The following PVT1 variants were observed in gnomAD, a reference collection of about 807,000 sequenced individuals.
PVT1 encodes the protein Pvt1 oncogene.
intron 3 of PVT1, among the ~76,000 whole-genome samples, chr8:127,927,942 C>T (rs1359830303): frequency 6.6e-6 from 1 of 152,226 alleles, no homozygotes; most frequent in Admixed American, 6.5e-5. Context: ...CAAAAATTCT[C>T]AGTGCGGTTG....
chr8:128,027,083 C>A (rs531385446), intron 4 of PVT1, among the ~76,000 whole-genome samples: 64 of 146,976 alleles, frequency 4.4e-4, no homozygotes, highest in Non-Finnish European at 6.7e-4. Context: ...GTGGATCTCC[C>A]TCTGTTCTTA....
At chr8:128,018,739 G>A (rs1267835221) in intron 4 of PVT1, among the ~76,000 whole-genome samples, 1 of 150,284 alleles carries the variant, frequency 6.7e-6, no homozygotes, top group East Asian at 2.0e-4. Flanking sequence ...GTGTTACGCA[G>A]AGCCTTACAA....
At chr8:127,930,993 C>G (rs1446586748) in intron 3 of PVT1, among the ~76,000 whole-genome samples, 3 of 152,148 alleles carry the variant, frequency 2.0e-5, no homozygotes, top group African/African-American at 7.2e-5. Context: ...GCAGCCTCAA[C>G]CTCCCAGGCT....
At chr8:127,930,259 C>T (rs961222566) in intron 3 of PVT1, among the ~76,000 whole-genome samples, 1 of 152,138 alleles carries the variant, frequency 6.6e-6, no homozygotes, top group Non-Finnish European at 1.5e-5. Context: ...TGAGTTCAAG[C>T]GATTCTTGTG....
intron 4 of PVT1, among the ~76,000 whole-genome samples, chr8:127,997,004 A>T (rs1304572857): frequency 7.1e-6 from 1 of 140,266 alleles, no homozygotes; most frequent in Non-Finnish European, 1.5e-5. Flanking sequence ...AGCTCTACCC[A>T]TGGGCACTGA....
intron 2 of PVT1, among the ~76,000 whole-genome samples, chr8:127,881,890 C>T (rs979469564): frequency 6.6e-6 from 1 of 152,160 alleles, no homozygotes; most frequent in Admixed American, 6.5e-5. Context: ...TACAGGTGCG[C>T]CACCACTGCC....
intron 4 of PVT1, among the ~76,000 whole-genome samples, chr8:127,995,248 T>G (rs570380279): frequency 1.3e-5 from 2 of 152,348 alleles, no homozygotes; most frequent in Non-Finnish European, 2.9e-5. Flanking sequence ...ACTCTTGTCC[T>G]GTTCTGTCTG....
At chr8:127,796,301 C>T (rs1344003246) in intron 2 of PVT1, among the ~76,000 whole-genome samples, 3 of 152,106 alleles carry the variant, frequency 2.0e-5, no homozygotes, top group Non-Finnish European at 4.4e-5. Flanking sequence ...CACCTTCCCC[C>T]GCCCCTCGCC....
intron 3 of PVT1, among the ~76,000 whole-genome samples, chr8:127,936,004 T>C (rs1477446432): frequency 6.7e-6 from 1 of 150,358 alleles, no homozygotes; most frequent in Non-Finnish European, 1.5e-5. Context: ...GAGGTAAGAG[T>C]TGGACAAACA....
intron 3 of PVT1, among the ~76,000 whole-genome samples, chr8:127,936,516 G>A (rs1016764784): frequency 8.5e-5 from 13 of 152,164 alleles, no homozygotes; most frequent in Non-Finnish European, 1.5e-4. Context: ...TCCTATGGCC[G>A]CCCCAATGCT....
chr8:128,041,685 TTGTG>T lies in PVT1; in HGVS notation n.913-28467_913-28464del, dbSNP rs551409810. Among the ~76,000 whole-genome samples the T allele has an allele frequency of 8.8e-3, 1,340 of 151,496 alleles. 13 individuals carry two copies. The highest frequency in any genetic ancestry group is 0.029 in the South Asian group (137 of 4,788). ...GTGAGTGCGTGTTGTTCGTGTGTGT[TTGTG>T]TGTGTGTTGTTCGTGTGTGCATGTG... On this transcript the variant is annotated intron_variant and non_coding_transcript_variant, in intron 4 of 10. Coordinates refer to ENST00000651587, the Ensembl canonical transcript of PVT1.
At chr8:127,843,395 C>G (rs545404926) in intron 2 of PVT1, among the ~76,000 whole-genome samples, 83 of 152,126 alleles carry the variant, frequency 5.5e-4, no homozygotes, top group Non-Finnish European at 1.1e-3. Flanking sequence ...GAGGTTTATC[C>G]TTGCCAAGTT....
At chr8:128,066,239 T>C (rs1459050671) in intron 4 of PVT1, among the ~76,000 whole-genome samples, 3 of 152,234 alleles carry the variant, frequency 2.0e-5, no homozygotes, top group Non-Finnish European at 4.4e-5. Context: ...TGAGCAATTC[T>C]GGCCAAGGAG....
At chr8:128,090,123 A>G (rs923281001) in intron 5 of PVT1, among the ~76,000 whole-genome samples, 1 of 152,194 alleles carries the variant, frequency 6.6e-6, no homozygotes, top group African/African-American at 2.4e-5. Flanking sequence ...CTGAATGTTT[A>G]TGGACTAGTG....
chr8:127,946,976 T>G (rs1816428215), intron 3 of PVT1: 1 of 152,222 alleles, frequency 6.6e-6, no homozygotes, highest in South Asian at 2.1e-4. Flanking sequence ...TCCCGTTCAT[T>G]TATATAACAA....
At chr8:127,910,610 G>C (rs376438703) in intron 3 of PVT1, among the ~76,000 whole-genome samples, 40 of 152,138 alleles carry the variant, frequency 2.6e-4, no homozygotes, top group African/African-American at 9.4e-4. Context: ...AATTAGATTA[G>C]TAACTAATAA....
intron 4 of PVT1, among the ~76,000 whole-genome samples, chr8:128,066,498 G>A (rs1343268147): frequency 1.3e-5 from 2 of 152,236 alleles, no homozygotes; most frequent in African/African-American, 4.8e-5. Context: ...ACATGTTAGT[G>A]CAGCATAACA....
At chr8:128,073,320 T>C (rs1814022659) in intron 5 of PVT1, among the ~76,000 whole-genome samples, 2 of 152,194 alleles carry the variant, frequency 1.3e-5, no homozygotes, top group African/African-American at 2.4e-5. Context: ...TTTAATTTTA[T>C]TGTTTTTTAA....
At chr8:127,875,593 C>G (rs556088004) in intron 2 of PVT1, among the ~76,000 whole-genome samples, 1 of 152,216 alleles carries the variant, frequency 6.6e-6, no homozygotes, top group South Asian at 2.1e-4. Flanking sequence ...TTCTTCTCCT[C>G]TAAGGCGCTC....
Sources: allele counts gnomAD v4.1 joint callset (sites outside exome capture counted in the v4.1 genomes callset), GRCh38; gene constraint gnomAD v4.1.1; transcripts MANE v1.5; gene names NCBI Gene and HGNC (gene_info 2026-07-23, HGNC 2026-07-21).